Variants in ZGPAT observed in about 807,000 individuals in gnomAD.
ZGPAT encodes zinc finger CCCH-type with G patch domain-containing protein.
ZGPAT carries 39 observed loss-of-function variants against 47.9 expected under a neutral mutation model. The observed-to-expected ratio is 0.81, with a 90% CI of 0.63 to 1.06. The LOEUF (loss-of-function observed/expected upper bound fraction) is 1.06. ZGPAT is among the 50% of genes least tolerant of loss of function. The probability of loss-of-function intolerance (pLI) is 0.00; values close to 1 mark genes in which losing one functional copy is unlikely to be tolerated. For missense variants in ZGPAT, 717 were observed against 681.4 expected (o/e 1.05, Z -0.58); for synonymous variants, 348 against 292.9 (o/e 1.19, Z -1.92).
chr20:63,735,525 TC>T lies in ZGPAT; in HGVS notation c.1359del (p.Arg454GlyfsTer55). The T allele has an allele frequency of 6.6e-7, 1 of 1,522,424 alleles. No individual in the cohort carries two copies. Among genetic ancestry groups the T allele is most frequent in the Non-Finnish European group, 8.8e-7 (1 of 1,137,766 alleles). 94.3% of individuals were successfully genotyped at this position (1,522,424 alleles called of 1,614,324 possible). On this transcript the variant is annotated frameshift_variant, in exon 6 of 7. Coordinates refer to ENST00000355969, the MANE Select transcript of ZGPAT (RefSeq NM_181485.3). LOFTEE classifies it high-confidence loss of function. ...AAGATCGAGCGAACCCAGCGGGACATCAGGAGCATCCAGGAGGCTCTCGCCC... is the reference window on the plus strand; with the variant it reads ...AAGATCGAGCGAACCCAGCGGGACATAGGAGCATCCAGGAGGCTCTCGCCC... ...EEKIERTQRD[I>X]RSIQEALARN... is the part of the protein sequence containing the mutation.
intron 2 of ZGPAT, among the ~76,000 whole-genome samples, chr20:63,727,125 A>G (rs2091853134): frequency 6.6e-6 from 1 of 151,768 alleles, no homozygotes; most frequent in Non-Finnish European, 1.5e-5. Context: ...AAGCTTCACA[A>G]CCTCATTCTC....
At chr20:63,723,159 C>T (rs1336076052) in intron 2 of ZGPAT, among the ~76,000 whole-genome samples, 4 of 149,382 alleles carry the variant, frequency 2.7e-5, no homozygotes, top group Non-Finnish European at 5.9e-5. Context: ...ATCCTCCCTT[C>T]TCCTATGACA....
At position 63,728,831 on chromosome 20, in the gene ZGPAT, C is replaced by T. The variant is rs563334913; in HGVS notation, c.585-4388C>T. The stretch of plus-strand genomic sequence containing the variant: ...TGACCTGGTAAATCACTCAGATTTG[C>T]TGACTCAGGAGTAGGAGCCAGGGGC... On this transcript the variant is annotated intron_variant, in intron 2 of 6. Transcript: ENST00000355969. Among the ~76,000 whole-genome samples the T allele has an allele frequency of 2.0e-5, 3 of 152,284 alleles. No individual in the cohort carries two copies. In the East Asian group the frequency reaches 5.8e-4, roughly 29 times the overall value.
chr20:63,709,904 A>G (rs537623630), intron 2 of ZGPAT, among the ~76,000 whole-genome samples: 1 of 152,202 alleles, frequency 6.6e-6, no homozygotes, highest in South Asian at 2.1e-4. Context: ...TCTGTTGCCC[A>G]GGCTGGAGTG....
intron 4 of ZGPAT, 41 bp downstream of exon 4, chr20:63,733,780 G>T (rs752177622): frequency 6.3e-7 from 1 of 1,579,078 alleles, no homozygotes; most frequent in Non-Finnish European, 8.6e-7. Context: ...AGGAAGGTGG[G>T]GTCACCCTGA....
chr20:63,732,736 CTG>C (rs1289354103), intron 2 of ZGPAT, among the ~76,000 whole-genome samples: 15 of 148,744 alleles, frequency 1.0e-4, no homozygotes, highest in East Asian at 8.0e-4. Context: ...ATGTGTATGT[CTG>C]TATATGTGTG....
intron 2 of ZGPAT, chr20:63,730,020 G>GACACACACACACACACA (rs1568796806): frequency 6.6e-6 from 1 of 151,224 alleles, no homozygotes; most frequent in African/African-American, 2.4e-5. Flanking sequence ...ACTCTACTGC[G>GACACACACACACACACA]CACACACACA....
At chr20:63,725,290 T>A (rs922181305) in intron 2 of ZGPAT, among the ~76,000 whole-genome samples, 1 of 152,252 alleles carries the variant, frequency 6.6e-6, no homozygotes, top group Non-Finnish European at 1.5e-5. Context: ...GGCTAGAATT[T>A]CTTGTAGGAC....
chr20:63,726,719 A>G (rs73622884), intron 2 of ZGPAT, among the ~76,000 whole-genome samples: 43 of 140,316 alleles, frequency 3.1e-4, no homozygotes, highest in Middle Eastern at 4.7e-3. Context: ...TAGAGACAGG[A>G]TTTCACCATG....
intron 2 of ZGPAT, among the ~76,000 whole-genome samples, chr20:63,713,070 T>C (rs1023437936): frequency 1.4e-5 from 2 of 147,222 alleles, no homozygotes; most frequent in African/African-American, 4.9e-5. Flanking sequence ...AGGAATTGTT[T>C]TTCTTTTCCT....
At chr20:63,727,399 G>A (rs2091856252) in intron 2 of ZGPAT, among the ~76,000 whole-genome samples, 1 of 151,826 alleles carries the variant, frequency 6.6e-6, no homozygotes, top group Non-Finnish European at 1.5e-5. Flanking sequence ...ATGACACCAC[G>A]CCTGGCTAAT....
At chr20:63,713,577 T>A (rs2091693481) in intron 2 of ZGPAT, among the ~76,000 whole-genome samples, 1 of 150,566 alleles carries the variant, frequency 6.6e-6, no homozygotes. Flanking sequence ...GTTGCTAGTA[T>A]ATAGAAATAC....
intron 2 of ZGPAT, among the ~76,000 whole-genome samples, chr20:63,721,909 A>G (rs1390358530): frequency 1.3e-5 from 2 of 150,664 alleles, no homozygotes; most frequent in African/African-American, 4.9e-5. Flanking sequence ...GCTACTCGGG[A>G]GGCTGAAGCA....
At chr20:63,721,500 C>A (rs2091787624) in intron 2 of ZGPAT, among the ~76,000 whole-genome samples, 1 of 152,124 alleles carries the variant, frequency 6.6e-6, no homozygotes, top group African/African-American at 2.4e-5. Flanking sequence ...TAAGGATGAA[C>A]CAGAGGTGAA....
chr20:63,716,038 T>C (rs2091725101), intron 2 of ZGPAT, among the ~76,000 whole-genome samples: 1 of 152,238 alleles, frequency 6.6e-6, no homozygotes, highest in Non-Finnish European at 1.5e-5. Flanking sequence ...ATTTTCTGTT[T>C]CTTCTTGAGT....
intron 2 of ZGPAT, among the ~76,000 whole-genome samples, chr20:63,731,557 TTGG>T (rs2091903554): frequency 1.9e-5 from 2 of 103,810 alleles, no homozygotes; most frequent in Admixed American, 9.9e-5. Flanking sequence ...CAGTTGGCCC[TTGG>T]TGTGTGTATG....
Position 63,708,695 on chromosome 20 carries a change from C to G in ZGPAT, c.115C>G (p.Leu39Val). 1 of 1,612,812 alleles carries G rather than the reference C, an allele frequency of 6.2e-7. No individual in the cohort carries two copies. The highest frequency in any genetic ancestry group is 8.5e-7 in the Non-Finnish European group (1 of 1,179,952). Residue 39 changes from leucine (L) to valine (V), a missense_variant, in exon 2 of 7, where the codon CTG becomes GTG. Transcript: ENST00000355969. Reference sequence around the variant, plus strand: ...GTCTGAGCAGGCTGACCTGCGCCAGCTGCAGGGGGACCTGAAGGAGCTCAT... The same window carrying G: ...GTCTGAGCAGGCTGACCTGCGCCAGGTGCAGGGGGACCTGAAGGAGCTCAT... ...DSSEQADLRQ[L>V]QGDLKELIEL...
At chr20:63,711,142 A>C (rs1174173058) in intron 2 of ZGPAT, among the ~76,000 whole-genome samples, 1 of 149,516 alleles carries the variant, frequency 6.7e-6, no homozygotes, top group Non-Finnish European at 1.5e-5. Flanking sequence ...CCATCCTCCC[A>C]CCTCAGCCTC....
At chr20:63,712,951 G>A (rs2091685585) in intron 2 of ZGPAT, among the ~76,000 whole-genome samples, 1 of 152,080 alleles carries the variant, frequency 6.6e-6, no homozygotes, top group Non-Finnish European at 1.5e-5. Flanking sequence ...ATTCATGAAT[G>A]AAGGATCTGT....
Sources: allele counts gnomAD v4.1 joint callset (sites outside exome capture counted in the v4.1 genomes callset), GRCh38; gene constraint gnomAD v4.1.1; transcripts MANE v1.5; gene names NCBI Gene and HGNC (gene_info 2026-07-23, HGNC 2026-07-21).